PIK3CB: variants seen among roughly 807,000 people sequenced by gnomAD.
PIK3CB encodes phosphatidylinositol-4,5-bisphosphate 3-kinase catalytic subunit beta.
A neutral mutation model predicts 136.8 loss-of-function variants in PIK3CB; 39 were observed. The ratio of observed to expected loss-of-function variants is 0.29; its 90% CI spans 0.22 to 0.37. The LOEUF (loss-of-function observed/expected upper bound fraction) is 0.37, where lower values mean the gene tolerates loss of function less well. PIK3CB is among the 10% of genes least tolerant of loss of function. The probability of loss-of-function intolerance (pLI) is 1.00; values close to 1 mark genes in which losing one functional copy is unlikely to be tolerated. For missense variants in PIK3CB, 868 were observed against 1,275.4 expected, an observed-to-expected ratio of 0.68 and a Z score of 4.87; for synonymous variants, 428 against 436.6, an observed-to-expected ratio of 0.98 and a Z score of 0.25.
chr3:138,769,441 T>C (rs773755240), intron 2 of PIK3CB, among the ~76,000 whole-genome samples: 25 of 152,330 alleles, frequency 1.6e-4, no homozygotes, highest in Non-Finnish European at 2.8e-4. Context: ...ATCAGAGGAA[T>C]GTAAACCCAG....
At chr3:138,734,305 T>C (rs1009940833) in intron 7 of PIK3CB, among the ~76,000 whole-genome samples, 7 of 152,210 alleles carry the variant, frequency 4.6e-5, no homozygotes, top group Non-Finnish European at 1.0e-4. Flanking sequence ...AATTCAATTA[T>C]TTCTGCACAT....
intron 13 of PIK3CB, among the ~76,000 whole-genome samples, chr3:138,697,421 G>GATTTATTT (rs61693073): frequency 0.043 from 6,478 of 150,872 alleles, 203 homozygotes; most frequent in Middle Eastern, 0.085. Context: ...TGTCTCCAAA[G>GATTTATTT]ATTTATTTAT....
At chr3:138,723,349 G>T (rs187676185) in intron 8 of PIK3CB, among the ~76,000 whole-genome samples, 1 of 152,176 alleles carries the variant, frequency 6.6e-6, no homozygotes, top group African/African-American at 2.4e-5. Flanking sequence ...TCAGGAGTTC[G>T]AGACCAGCCT....
chr3:138,800,081 G>T (rs1281541636), intron 1 of PIK3CB, among the ~76,000 whole-genome samples: 1 of 152,040 alleles, frequency 6.6e-6, no homozygotes, highest in Non-Finnish European at 1.5e-5. Context: ...TGTACATGCT[G>T]TTCTTTCAGC....
chr3:138,661,479 C>T (rs760245952), intron 21 of PIK3CB, among the ~76,000 whole-genome samples: 1 of 152,160 alleles, frequency 6.6e-6, no homozygotes, highest in Non-Finnish European at 1.5e-5. Flanking sequence ...TAGGTTTCAC[C>T]CACTGTGGCC....
In PIK3CB at chr3:138,675,140, TCAAA is replaced by T. The variant is rs142092345; in HGVS notation, c.2504+6823_2504+6826del. Among the ~76,000 whole-genome samples, 1,304 of 152,186 alleles carry T rather than the reference TCAAA, an allele frequency of 8.6e-3. 26 individuals carry two copies. Among genetic ancestry groups the T allele is most frequent in the African/African-American group, 0.028 (1,182 of 41,524 alleles). On this transcript the variant is annotated intron_variant, in intron 19 of 23. Coordinates refer to ENST00000674063, the MANE Select transcript of PIK3CB (RefSeq NM_006219.3). Reference sequence around the variant, plus strand: ...AATAGATAGATATTATTTAAATGAATCAAACAGAAATTCCAGAGTTGAAAAGGGC... The same window carrying T: ...AATAGATAGATATTATTTAAATGAATCAGAAATTCCAGAGTTGAAAAGGGC...
At chr3:138,712,906 A>G (rs893081409) in intron 9 of PIK3CB, among the ~76,000 whole-genome samples, 2 of 152,170 alleles carry the variant, frequency 1.3e-5, no homozygotes, top group Non-Finnish European at 2.9e-5. Flanking sequence ...AACACGTATA[A>G]TATCAGAATA....
chr3:138,792,906 T>C (rs558422968), intron 2 of PIK3CB, among the ~76,000 whole-genome samples: 2 of 152,304 alleles, frequency 1.3e-5, no homozygotes, highest in South Asian at 2.1e-4. Flanking sequence ...GCTTCCTCAG[T>C]AGCCAATATT....
intron 14 of PIK3CB, among the ~76,000 whole-genome samples, chr3:138,692,100 T>C (rs1427874561): frequency 1.3e-5 from 2 of 152,332 alleles, no homozygotes; most frequent in Admixed American, 1.3e-4. Context: ...AGTGGTTCTC[T>C]ATTTTGTGTC....
intron 2 of PIK3CB, among the ~76,000 whole-genome samples, chr3:138,769,389 G>C (rs1458378068): frequency 6.6e-6 from 1 of 152,134 alleles, no homozygotes; most frequent in East Asian, 1.9e-4. Flanking sequence ...AATTCTTGAA[G>C]GGTAAAGAAG....
intron 13 of PIK3CB, among the ~76,000 whole-genome samples, chr3:138,695,200 A>G (rs2108518642): frequency 6.6e-6 from 1 of 152,360 alleles, no homozygotes; most frequent in South Asian, 2.1e-4. Flanking sequence ...ATTCCATCTG[A>G]TAAAATCTTA....
intron 9 of PIK3CB, among the ~76,000 whole-genome samples, chr3:138,713,180 G>GCATT (rs1259638424): frequency 6.7e-6 from 1 of 149,714 alleles, no homozygotes; most frequent in Non-Finnish European, 1.5e-5. Context: ...TACTTTTAGG[G>GCATT]TATTTTTTTT....
intron 2 of PIK3CB, among the ~76,000 whole-genome samples, chr3:138,772,879 A>G (rs1401199465): frequency 2.8e-5 from 4 of 140,766 alleles, no homozygotes; most frequent in Admixed American, 7.8e-5. Context: ...TCAGCCTCCC[A>G]GGTTCAAGTG....
At chr3:138,776,066 C>T (rs372500092) in intron 2 of PIK3CB, among the ~76,000 whole-genome samples, 2 of 151,978 alleles carry the variant, frequency 1.3e-5, no homozygotes, top group Admixed American at 6.6e-5. Context: ...GGCGTGGTGG[C>T]GTGTGCCTGT....
chr3:138,741,096 T>C (rs1254949845), intron 5 of PIK3CB, among the ~76,000 whole-genome samples: 2 of 152,252 alleles, frequency 1.3e-5, no homozygotes, highest in African/African-American at 4.8e-5. Flanking sequence ...ACTCAACGTA[T>C]CTCAGGACAG....
chr3:138,746,188 G>A (rs964596025), intron 4 of PIK3CB, among the ~76,000 whole-genome samples: 1 of 152,148 alleles, frequency 6.6e-6, no homozygotes, highest in African/African-American at 2.4e-5. Flanking sequence ...CAAGGATACA[G>A]CCTGGGCAAC....
At chr3:138,806,190 A>C (rs2046232375) in intron 1 of PIK3CB, among the ~76,000 whole-genome samples, 1 of 151,980 alleles carries the variant, frequency 6.6e-6, no homozygotes. Flanking sequence ...ATTTTCTCAG[A>C]CTCTAAGAGA....
At chr3:138,724,565 C>T (rs947541880) in intron 8 of PIK3CB, among the ~76,000 whole-genome samples, 4 of 152,166 alleles carry the variant, frequency 2.6e-5, no homozygotes, top group African/African-American at 9.7e-5. Context: ...AGTTCCAATC[C>T]TCTATTCACG....
chr3:138,772,795 T>TC (rs2045816083), intron 2 of PIK3CB, among the ~76,000 whole-genome samples: 2 of 146,550 alleles, frequency 1.4e-5, no homozygotes, highest in African/African-American at 5.1e-5. Flanking sequence ...TTTTTTTTTT[T>TC]TTTTTTTTGA....
Sources: gnomAD v4.1 joint callset for allele counts (sites outside exome capture counted in the v4.1 genomes callset) on GRCh38, gnomAD v4.1.1 for gene constraint, MANE v1.5 for transcripts, NCBI Gene and HGNC (gene_info 2026-07-23, HGNC 2026-07-21) for gene names.